The following PARP8 variants were observed in gnomAD, a reference collection of about 807,000 sequenced individuals.
The protein encoded by PARP8 is poly(ADP-ribose) polymerase family member 8.
PARP8 carries 51 observed loss-of-function variants against 124.1 expected under a neutral mutation model. The ratio of observed to expected loss-of-function variants is 0.41; its 90% CI spans 0.33 to 0.52. PARP8 has a LOEUF of 0.52. PARP8 is among the 20% of genes least tolerant of loss of function. The pLI, the probability that PARP8 is intolerant of heterozygous loss-of-function variation, is 0.21. For synonymous variants in PARP8, 391 were observed against 361.5 expected (o/e 1.08, Z -0.93); for missense variants, 860 against 1,018.9 (o/e 0.84, Z 2.12).
In PARP8 at chr5:50,844,018, C is replaced by T. The variant is rs939300812; in HGVS notation, c.*1950C>T. The T allele has an allele frequency of 6.6e-6, 1 of 151,720 alleles. No individual in the cohort carries two copies. Among genetic ancestry groups the T allele is most frequent in the Non-Finnish European group, 1.5e-5 (1 of 67,784 alleles). The allele number at this position is 151,720 out of a possible 1,614,324, so 9.4% of individuals were successfully genotyped here. A position where few individuals can be genotyped will look rare whatever the true frequency, so the allele number is the denominator to read the frequency against. On this transcript the variant is annotated 3_prime_UTR_variant, in exon 26 of 26. Transcript: ENST00000281631. ...TAATTCAAAATCCACTGACCTAATCCATTATGGCTTTACTTAACATTGGAG... is the reference window on the plus strand; with the variant it reads ...TAATTCAAAATCCACTGACCTAATCTATTATGGCTTTACTTAACATTGGAG...
chr5:50,778,997 A>G (rs1054323239), intron 9 of PARP8, among the ~76,000 whole-genome samples: 9 of 152,170 alleles, frequency 5.9e-5, no homozygotes, highest in Admixed American at 4.6e-4. Flanking sequence ...CTGAGATTCA[A>G]TTTTAATGCA....
chr5:50,689,428 G>A (rs1461349384), intron 2 of PARP8, among the ~76,000 whole-genome samples: 1 of 152,080 alleles, frequency 6.6e-6, no homozygotes, highest in East Asian at 1.9e-4. Flanking sequence ...AATCACTTGG[G>A]GAGTCAGATT....
chr5:50,774,560 T>G, intron 7 of PARP8, among the ~76,000 whole-genome samples: 1 of 72,662 alleles, frequency 1.4e-5, no homozygotes, highest in Non-Finnish European at 2.6e-5. Flanking sequence ...TCCCAGATGA[T>G]GGGCGGCCGG....
At position 50,844,564 on chromosome 5, in the gene PARP8, G is replaced by T. The variant is rs1053047605; in HGVS notation, c.*2496G>T. On this transcript the variant is annotated 3_prime_UTR_variant, in exon 26 of 26. Transcript: ENST00000281631. Reference sequence around the variant, plus strand: ...AATATTATCTATTCACTTATTTGATGATTCCAAACATTTGATATTGTATTG... The same window carrying T: ...AATATTATCTATTCACTTATTTGATTATTCCAAACATTTGATATTGTATTG... 1.1e-4 allele frequency: 16 copies of T among 151,680 alleles called. No homozygotes were observed. Among genetic ancestry groups the T allele is most frequent in the Non-Finnish European group, 2.1e-4 (14 of 67,750 alleles). 9.4% of individuals were successfully genotyped at this position (151,680 alleles called of 1,614,324 possible). A position where few individuals can be genotyped will look rare whatever the true frequency, so the allele number is the denominator to read the frequency against.
At chr5:50,741,631 T>TACTTC (rs1758049677) in intron 2 of PARP8, among the ~76,000 whole-genome samples, 2 of 152,220 alleles carry the variant, frequency 1.3e-5, no homozygotes, top group Non-Finnish European at 2.9e-5. Flanking sequence ...TTGATCCTGT[T>TACTTC]ACTTCACGTG....
intron 2 of PARP8, among the ~76,000 whole-genome samples, chr5:50,705,074 G>T (rs1453834196): frequency 6.6e-6 from 1 of 152,176 alleles, no homozygotes; most frequent in Non-Finnish European, 1.5e-5. Flanking sequence ...TTGCCATCCA[G>T]ATTATCTGCT....
intron 2 of PARP8, among the ~76,000 whole-genome samples, chr5:50,725,757 A>G (rs1194805770): frequency 4.6e-5 from 7 of 152,188 alleles, no homozygotes; most frequent in African/African-American, 1.2e-4. Flanking sequence ...TTAAATTGCA[A>G]TAGAAGTAGA....
At chr5:50,699,114 T>C (rs1188501386) in intron 2 of PARP8, among the ~76,000 whole-genome samples, 2 of 152,226 alleles carry the variant, frequency 1.3e-5, no homozygotes, top group African/African-American at 4.8e-5. Flanking sequence ...ACAGTCATGA[T>C]GACTTCAGTT....
intron 7 of PARP8, among the ~76,000 whole-genome samples, chr5:50,773,116 T>C (rs1440515909): frequency 6.6e-6 from 1 of 152,196 alleles, no homozygotes. Context: ...TGGCTTGCAG[T>C]TATATTTTCA....
chr5:50,739,276 C>A (rs1757781259), intron 2 of PARP8, among the ~76,000 whole-genome samples: 1 of 152,082 alleles, frequency 6.6e-6, no homozygotes, highest in South Asian at 2.1e-4. Context: ...CTCATGAAAA[C>A]CTTAGGGCTT....
At chr5:50,726,061 G>C (rs1288530756) in intron 2 of PARP8, among the ~76,000 whole-genome samples, 1 of 151,760 alleles carries the variant, frequency 6.6e-6, no homozygotes, top group Admixed American at 6.6e-5. Context: ...CTTTATATGT[G>C]GTTATTCCAC....
At position 50,719,028 on chromosome 5, in the gene PARP8, C is replaced by T. The variant is rs190474491; in HGVS notation, c.147-31123C>T. Among the ~76,000 whole-genome samples the T allele has an allele frequency of 3.2e-4, 49 of 152,078 alleles. 1 individual carries two copies. The East Asian group carries it at 7.0e-3, about 22-fold the overall frequency. On this transcript the variant is annotated intron_variant, in intron 2 of 25. Transcript: ENST00000281631. ...TTTTAAGTGGGGTGAGATGGTAACT[C>T]ATTGTAGTTTTGGGTTGCATTTCTC...
rs1199040126 is a variant in PARP8 at position 50,807,264 on chromosome 5, C to T, written c.1576-8168C>T. 2.6e-5 allele frequency among the ~76,000 whole-genome samples: 4 copies of T among 152,052 alleles called. No individual in the cohort carries two copies. In the East Asian group the frequency reaches 5.8e-4, roughly 22 times the overall value. ...ACTAAACTACTTACTTACTTAGAAA[C>T]TCCCTGCTGCTCCTTCTTCGCTTTT... On this transcript the variant is annotated intron_variant, in intron 14 of 25. Coordinates refer to ENST00000281631, the MANE Select transcript of PARP8 (RefSeq NM_024615.4).
intron 2 of PARP8, among the ~76,000 whole-genome samples, chr5:50,733,325 G>A (rs1341184748): frequency 6.6e-6 from 1 of 151,788 alleles, no homozygotes; most frequent in East Asian, 1.9e-4. Context: ...ATAAATGGGC[G>A]AAAAACTTGC....
chr5:50,805,565 C>A (rs1409589034), intron 14 of PARP8, among the ~76,000 whole-genome samples: 3 of 152,052 alleles, frequency 2.0e-5, no homozygotes, highest in Non-Finnish European at 4.4e-5. Context: ...AAGTAGAAGG[C>A]ACCATGCTAG....
Position 50,834,426 on chromosome 5 carries a change from A to C in PARP8, c.2377+378A>C, listed in dbSNP as rs1243974144. Among the ~76,000 whole-genome samples, 4 of 152,208 alleles carry C rather than the reference A, an allele frequency of 2.6e-5. No individual in the cohort carries two copies. The East Asian group carries it at 7.7e-4, about 29-fold the overall frequency. On this transcript the variant is annotated intron_variant, in intron 24 of 25. Transcript: ENST00000281631. Reference sequence around the variant, plus strand: ...CCAAGCACTGAGAAGATAACCTATTAGGTCTTTCTGTTCCTGCACTGAAAT... The same window carrying C: ...CCAAGCACTGAGAAGATAACCTATTCGGTCTTTCTGTTCCTGCACTGAAAT...
chr5:50,732,918 G>A (rs1044588208), intron 2 of PARP8, among the ~76,000 whole-genome samples: 8 of 151,060 alleles, frequency 5.3e-5, no homozygotes, highest in African/African-American at 1.9e-4. Context: ...GCGACCAGCC[G>A]TATCTTTTAA....
chr5:50,800,756 A>G lies in PARP8; in HGVS notation c.1575+3523A>G, dbSNP rs1383204039. Among the ~76,000 whole-genome samples the G allele has an allele frequency of 2.2e-5, 3 of 137,378 alleles. 1 individual carries two copies. Among genetic ancestry groups the G allele is most frequent in the African/African-American group, 5.4e-5 (2 of 37,238 alleles). 90.1% of individuals were successfully genotyped at this position (137,378 alleles called of 152,430 possible). A position where few individuals can be genotyped will look rare whatever the true frequency, so the allele number is the denominator to read the frequency against. ...CTGGGCCTGGAGATTTCTGTTTTAGATTTTTTTTTTTTTTTTTGAAACAGG... is the reference window on the plus strand; with the variant it reads ...CTGGGCCTGGAGATTTCTGTTTTAGGTTTTTTTTTTTTTTTTTGAAACAGG... On this transcript the variant is annotated intron_variant, in intron 14 of 25. Coordinates refer to ENST00000281631, the MANE Select transcript of PARP8 (RefSeq NM_024615.4).
chr5:50,667,471 G>C lies in PARP8; in HGVS notation c.91+285G>C, dbSNP rs537840666. On this transcript the variant is annotated intron_variant, in intron 1 of 25. Transcript: ENST00000281631. The stretch of plus-strand genomic sequence containing the variant: ...GAAGGGGCAGTGCGTGGTATTTCCA[G>C]CCCCGCGTAGTGCCCGAAGCCTCCA... The C allele has an allele frequency of 4.3e-6, 3 of 700,054 alleles. No homozygotes were observed. In the African/African-American group the frequency reaches 5.3e-5, roughly 12 times the overall value. The allele number at this position is 700,054 out of a possible 1,614,324, so 43.4% of individuals were successfully genotyped here.
Sources: allele counts gnomAD v4.1 joint callset (sites outside exome capture counted in the v4.1 genomes callset), GRCh38; gene constraint gnomAD v4.1.1; transcripts MANE v1.5; gene names NCBI Gene and HGNC (gene_info 2026-07-23, HGNC 2026-07-21).